IL7: variants seen among roughly 807,000 people sequenced by gnomAD.
The protein encoded by IL7 is interleukin 7.
IL7 carries 3 observed loss-of-function variants against 21.6 expected under a neutral mutation model. The ratio of observed to expected loss-of-function variants is 0.14; its 90% confidence interval spans 0.06 to 0.36. The LOEUF (loss-of-function observed/expected upper bound fraction) is 0.36, where lower values mean the gene tolerates loss of function less well. IL7 is among the 10% of genes least tolerant of loss of function. The pLI is 1.00. For missense variants in IL7, 175 were observed against 200.2 expected (o/e 0.87, Z 0.76); for synonymous variants, 62 against 68.1 (o/e 0.91, Z 0.44).
chr8:78,700,753 A>C (rs1810576909), intron 3 of IL7, among the ~76,000 whole-genome samples: 1 of 152,172 alleles, frequency 6.6e-6, no homozygotes, highest in African/African-American at 2.4e-5. Context: ...CCTTTTATTA[A>C]ATAGGGAATC....
At chr8:78,783,487 T>C (rs1236498247) in intron 2 of IL7, among the ~76,000 whole-genome samples, 1 of 152,170 alleles carries the variant, frequency 6.6e-6, no homozygotes, top group Non-Finnish European at 1.5e-5. Flanking sequence ...CTTGCTGTTT[T>C]TGTTATTCTC....
intron 3 of IL7, among the ~76,000 whole-genome samples, chr8:78,695,511 G>A (rs904469540): frequency 5.9e-5 from 9 of 152,286 alleles, no homozygotes; most frequent in South Asian, 2.1e-4. Flanking sequence ...TACAGTTTGA[G>A]TGGGTCAGCA....
chr8:78,774,082 A>G lies in IL7; in HGVS notation c.147+23990T>C, dbSNP rs2130793878. ...CATTTTCTACCAAAAGAGCAGAGAA[A>G]AGAAAAAAAAACATATATTTGTGAG... On this transcript the variant is annotated intron_variant, in intron 2 of 5. Transcript: ENST00000263851. 1.3e-5 allele frequency among the ~76,000 whole-genome samples: 2 copies of G among 152,054 alleles called. 1 individual carries two copies. The highest frequency in any genetic ancestry group is 2.9e-5 in the Non-Finnish European group (2 of 67,990).
intron 2 of IL7, among the ~76,000 whole-genome samples, chr8:78,754,317 G>C (rs1812275601): frequency 6.6e-6 from 1 of 151,902 alleles, no homozygotes; most frequent in Admixed American, 6.6e-5. Flanking sequence ...AAAATAACTA[G>C]GAATACAACT....
chr8:78,788,596 T>C (rs1813587551), intron 2 of IL7, among the ~76,000 whole-genome samples: 1 of 152,200 alleles, frequency 6.6e-6, no homozygotes, highest in Non-Finnish European at 1.5e-5. Flanking sequence ...ATGTTGTGCA[T>C]GACTTGTACT....
At chr8:78,678,534 T>C (rs1809659203) in intron 4 of IL7, 3 of 1,552,048 alleles carry the variant, frequency 1.9e-6, no homozygotes, top group Non-Finnish European at 1.8e-6. Flanking sequence ...GAAAAGAAAA[T>C]GATAGGCTGC....
chr8:78,721,797 C>T (rs1811243560), intron 3 of IL7, among the ~76,000 whole-genome samples: 1 of 151,942 alleles, frequency 6.6e-6, no homozygotes, highest in Non-Finnish European at 1.5e-5. Flanking sequence ...AACATTTGTG[C>T]TTCATAACTT....
At chr8:78,758,561 T>C (rs1812433506) in intron 2 of IL7, among the ~76,000 whole-genome samples, 1 of 152,068 alleles carries the variant, frequency 6.6e-6, no homozygotes, top group African/African-American at 2.4e-5. Flanking sequence ...TTTCCTTCAG[T>C]TTTTACTTGT....
At chr8:78,768,403 C>T (rs1447529714) in intron 2 of IL7, among the ~76,000 whole-genome samples, 2 of 149,074 alleles carry the variant, frequency 1.3e-5, no homozygotes, top group South Asian at 4.3e-4. Flanking sequence ...TAAAAGTGTT[C>T]CTATTTCTCC....
chr8:78,701,199 A>G (rs1810591302), intron 3 of IL7, among the ~76,000 whole-genome samples: 1 of 151,956 alleles, frequency 6.6e-6, no homozygotes, highest in Non-Finnish European at 1.5e-5. Context: ...CCTTGTATAG[A>G]TCTTTCACCT....
At chr8:78,721,708 C>T (rs1234903011) in intron 3 of IL7, among the ~76,000 whole-genome samples, 1 of 151,818 alleles carries the variant, frequency 6.6e-6, no homozygotes, top group Non-Finnish European at 1.5e-5. Context: ...AGATGAATGC[C>T]CTTATGTACT....
At chr8:78,789,468 A>C (rs1813615972) in intron 2 of IL7, among the ~76,000 whole-genome samples, 1 of 152,194 alleles carries the variant, frequency 6.6e-6, no homozygotes, top group African/African-American at 2.4e-5. Flanking sequence ...CTAGAATTTG[A>C]TCCTTCTTTG....
intron 4 of IL7, among the ~76,000 whole-genome samples, chr8:78,679,978 G>A (rs1056469402): frequency 6.6e-6 from 1 of 151,988 alleles, no homozygotes; most frequent in Non-Finnish European, 1.5e-5. Flanking sequence ...TAATATAGTG[G>A]GTGTTAAAAT....
intron 3 of IL7, chr8:78,686,013 T>G (rs2130482297): frequency 6.6e-6 from 1 of 152,420 alleles, no homozygotes; most frequent in East Asian, 1.9e-4. Flanking sequence ...CAGACTTACT[T>G]TTTTATCAGG....
chr8:78,686,588 C>CTCCTCA, intron 3 of IL7: 1 of 1,526,358 alleles, frequency 6.6e-7, no homozygotes, highest in Non-Finnish European at 8.8e-7. Flanking sequence ...CCTCCTCCTC[C>CTCCTCA]TCCACCTTCT....
intron 2 of IL7, among the ~76,000 whole-genome samples, chr8:78,746,414 G>T (rs893298451): frequency 6.6e-6 from 1 of 152,198 alleles, no homozygotes; most frequent in South Asian, 2.1e-4. Context: ...TTCTCCACAG[G>T]CTTTCTTCAA....
intron 5 of IL7, among the ~76,000 whole-genome samples, chr8:78,719,983 A>G (rs1022497124): frequency 1.3e-5 from 2 of 151,800 alleles, no homozygotes; most frequent in Admixed American, 1.3e-4. Context: ...TTTTGTTACA[A>G]GTTTTTTAAG....
At chr8:78,723,266 CT>C (rs1420263086) in intron 3 of IL7, among the ~76,000 whole-genome samples, 1 of 151,764 alleles carries the variant, frequency 6.6e-6, no homozygotes, top group South Asian at 2.1e-4. Context: ...TTTGTCGACT[CT>C]TTTATTCAAT....
chr8:78,798,681 G>A (rs904053550), intron 1 of IL7, among the ~76,000 whole-genome samples: 2 of 152,012 alleles, frequency 1.3e-5, no homozygotes, highest in African/African-American at 4.8e-5. Flanking sequence ...ACTGTGGGAG[G>A]TTAATCTCCC....
Sources: gnomAD v4.1 joint callset for allele counts (sites outside exome capture counted in the v4.1 genomes callset) on GRCh38, gnomAD v4.1.1 for gene constraint, MANE v1.5 for transcripts, NCBI Gene and HGNC (gene_info 2026-07-23, HGNC 2026-07-21) for gene names.